The following WDPCP variants were observed in gnomAD, a reference collection of about 807,000 sequenced individuals.
WDPCP encodes the protein WD repeat containing planar cell polarity effector.
Under a neutral mutation model 93.1 loss-of-function variants are expected in WDPCP, and 71 were observed. The ratio of observed to expected loss-of-function variants is 0.76; its 90% CI spans 0.63 to 0.93. The LOEUF (loss-of-function observed/expected upper bound fraction) is 0.93. WDPCP is among the 40% of genes least tolerant of loss of function. WDPCP has a pLI of 0.00. For missense variants in WDPCP, 844 were observed against 887.4 expected (o/e 0.95, Z 0.62); for synonymous variants, 315 against 315.0 (o/e 1.00, Z 0.00).
chr2:63,621,075 A>C (rs776814964), intron 3 of WDPCP, among the ~76,000 whole-genome samples: 10 of 152,236 alleles, frequency 6.6e-5, no homozygotes, highest in Non-Finnish European at 1.2e-4. Context: ...ACCAGTACAG[A>C]AAGGCTGAAA....
chr2:63,814,415 G>A (rs1243150716), intron 1 of WDPCP, among the ~76,000 whole-genome samples: 5 of 151,624 alleles, frequency 3.3e-5, no homozygotes, highest in Non-Finnish European at 1.5e-5. Context: ...GAAAATTTTG[G>A]TGCTTGGAGC....
intron 2 of WDPCP, among the ~76,000 whole-genome samples, chr2:63,712,508 C>G (rs1267672295): frequency 6.6e-6 from 1 of 152,016 alleles, no homozygotes; most frequent in Admixed American, 6.6e-5. Context: ...AAAGTGATAA[C>G]CTGGGATAAG....
intron 13 of WDPCP, among the ~76,000 whole-genome samples, chr2:63,275,087 C>T (rs1468462445): frequency 1.3e-5 from 2 of 152,142 alleles, no homozygotes; most frequent in Non-Finnish European, 2.9e-5. Flanking sequence ...CTGAATCCAA[C>T]AAGACATCAA....
chr2:63,165,788 TA>T, intron 15 of WDPCP, among the ~76,000 whole-genome samples: 2 of 151,926 alleles, frequency 1.3e-5, no homozygotes, highest in Middle Eastern at 6.8e-3. Context: ...CTCCCTTGTT[TA>T]AATGGTTAAT....
intron 17 of WDPCP, among the ~76,000 whole-genome samples, chr2:63,149,138 T>A (rs1176124776): frequency 6.6e-6 from 1 of 151,988 alleles, no homozygotes. Context: ...GATTAGTTTC[T>A]AAAATATATA....
At chr2:63,361,907 G>C (rs2104668134) in intron 12 of WDPCP, among the ~76,000 whole-genome samples, 1 of 152,130 alleles carries the variant, frequency 6.6e-6, no homozygotes, top group Non-Finnish European at 1.5e-5. Context: ...GAGGAGGAAG[G>C]TTTTGAGCTT....
chr2:63,236,608 T>C lies in WDPCP; in HGVS notation c.1915+22699A>G, dbSNP rs190190135. On this transcript the variant is annotated intron_variant, in intron 14 of 17. Transcript: ENST00000272321. Reference sequence around the variant, plus strand: ...CAAGACTGCAGTAACCGAAACAGCATGGTACTGGTACAAAAACAGATATAC... The same window carrying C: ...CAAGACTGCAGTAACCGAAACAGCACGGTACTGGTACAAAAACAGATATAC... Among the ~76,000 whole-genome samples the C allele has an allele frequency of 5.3e-5, 8 of 152,260 alleles. No homozygotes were observed. The East Asian group carries it at 7.7e-4, about 15-fold the overall frequency.
intron 1 of WDPCP, among the ~76,000 whole-genome samples, chr2:63,817,141 G>T (rs982583303): frequency 7.4e-5 from 11 of 148,550 alleles, no homozygotes; most frequent in African/African-American, 2.5e-4. Context: ...TCAGAGTCTC[G>T]CTCTGTCACC....
intron 12 of WDPCP, chr2:63,368,987 C>T (rs1691164268): frequency 6.5e-6 from 1 of 153,380 alleles, no homozygotes; most frequent in Non-Finnish European, 1.5e-5. Context: ...CAAAATTTTT[C>T]CTGGATTTTA....
At chr2:63,777,507 A>G (rs1670322162) in intron 2 of WDPCP, among the ~76,000 whole-genome samples, 1 of 152,226 alleles carries the variant, frequency 6.6e-6, no homozygotes, top group Non-Finnish European at 1.5e-5. Context: ...CCAAAACTGG[A>G]AACAACCCAA....
intron 6 of WDPCP, among the ~76,000 whole-genome samples, chr2:63,472,374 T>A (rs1699743432): frequency 6.6e-6 from 1 of 151,914 alleles, no homozygotes; most frequent in Non-Finnish European, 1.5e-5. Context: ...TCTCTTCTGT[T>A]TTCTATTATT....
At chr2:63,253,955 C>A (rs1680936348) in intron 14 of WDPCP, among the ~76,000 whole-genome samples, 1 of 152,058 alleles carries the variant, frequency 6.6e-6, no homozygotes, top group Admixed American at 6.6e-5. Flanking sequence ...GCACTACTCA[C>A]AATAGCAAAG....
Position 63,622,645 on chromosome 2 carries a change from G to C in WDPCP, n.488+28014C>G, listed in dbSNP as rs545361849. On this transcript the variant is annotated intron_variant and non_coding_transcript_variant, in intron 3 of 4. Coordinates refer to the WDPCP transcript ENST00000467687. The stretch of plus-strand genomic sequence containing the variant: ...GGAAATAGTTGCTTGGCCCAGCGTG[G>C]CATTCTGTTGGTCTTGGTCAGGAGT... The C allele has an allele frequency of 1.7e-5, 27 of 1,613,880 alleles. No homozygotes were observed. In the South Asian group the frequency reaches 2.5e-4, roughly 15 times the overall value.
intron 2 of WDPCP, among the ~76,000 whole-genome samples, chr2:63,803,212 C>G (rs1670719512): frequency 6.6e-6 from 1 of 152,182 alleles, no homozygotes; most frequent in Non-Finnish European, 1.5e-5. Context: ...CATTCATACT[C>G]TGGCAGAGAT....
At chr2:63,250,101 T>G (rs1680597937) in intron 14 of WDPCP, among the ~76,000 whole-genome samples, 1 of 152,212 alleles carries the variant, frequency 6.6e-6, no homozygotes, top group East Asian at 1.9e-4. Flanking sequence ...ATGCATCTCT[T>G]TGTTATATCT....
chr2:63,338,189 G>T (rs1280351763), intron 12 of WDPCP, among the ~76,000 whole-genome samples: 1 of 152,020 alleles, frequency 6.6e-6, no homozygotes, highest in Admixed American at 6.6e-5. Context: ...GGTGAGAGAT[G>T]GGGTCTACCT....
At chr2:63,537,654 T>C (rs1181657246) in intron 1 of WDPCP, among the ~76,000 whole-genome samples, 5 of 152,094 alleles carry the variant, frequency 3.3e-5, no homozygotes, top group Non-Finnish European at 7.4e-5. Context: ...TTCCAACCCT[T>C]CTCCTGACTA....
intron 2 of WDPCP, among the ~76,000 whole-genome samples, chr2:63,708,984 G>A (rs1235149375): frequency 6.8e-6 from 1 of 147,142 alleles, no homozygotes; most frequent in African/African-American, 2.5e-5. Context: ...ACTTTGGGAG[G>A]CCGAGGGGGG....
At chr2:63,379,598 C>T (rs192311695) in intron 11 of WDPCP, among the ~76,000 whole-genome samples, 56 of 152,228 alleles carry the variant, frequency 3.7e-4, no homozygotes, top group African/African-American at 1.2e-3. Flanking sequence ...CAGCATGTTT[C>T]GTACATCTGA....
Sources: gnomAD v4.1 joint callset for allele counts (sites outside exome capture counted in the v4.1 genomes callset) on GRCh38, gnomAD v4.1.1 for gene constraint, MANE v1.5 for transcripts, NCBI Gene and HGNC (gene_info 2026-07-23, HGNC 2026-07-21) for gene names.